Variants in GSN observed in about 807,000 individuals in gnomAD.
GSN encodes the protein actin-depolymerizing factor.
A neutral mutation model predicts 85.7 loss-of-function variants in GSN; 56 were observed. The ratio of observed to expected loss-of-function variants is 0.65; its 90% CI spans 0.53 to 0.82. GSN has a LOEUF of 0.82. Among genes scored for constraint, GSN ranks in the 40% least tolerant of loss-of-function variants. The pLI, the probability that GSN is intolerant of heterozygous loss-of-function variation, is 0.00. For synonymous variants in GSN, 373 were observed against 399.1 expected (o/e 0.93, Z 0.78); for missense variants, 857 against 979.8 (o/e 0.87, Z 1.67).
At chr9:121,300,254 A>T in intron 2 of GSN, 1 of 691,840 alleles carries the variant, frequency 1.4e-6, no homozygotes, top group Non-Finnish European at 2.7e-6. Context: ...GTCCTCCTCT[A>T]ACATCTTACC....
At chr9:121,240,357 G>A (rs1320329880) in intron 5 of GSN, among the ~76,000 whole-genome samples, 1 of 152,202 alleles carries the variant, frequency 6.6e-6, no homozygotes, top group African/African-American at 2.4e-5. Flanking sequence ...AAAGTCTGCT[G>A]TCTGCAATCA....
intron 14 of GSN, among the ~76,000 whole-genome samples, chr9:121,327,749 G>A (rs559364497): frequency 3.3e-5 from 5 of 152,278 alleles, no homozygotes; most frequent in Admixed American, 1.3e-4. Flanking sequence ...TAAGGCGGGC[G>A]GATCACCTGA....
chr9:121,320,792 C>T (rs2062338783), intron 10 of GSN, among the ~76,000 whole-genome samples: 4 of 152,156 alleles, frequency 2.6e-5, no homozygotes. Flanking sequence ...TGTGCCGGGC[C>T]CTGTGCTAGA....
chr9:121,312,209 G>A, intron 5 of GSN, 130 bp from the exon 6 acceptor site: 2 of 913,782 alleles, frequency 2.2e-6, no homozygotes, highest in Non-Finnish European at 3.6e-6. Context: ...TGCAGACTGT[G>A]CCAGCCTTCA....
At position 121,299,697 on chromosome 9, in the gene GSN, C is replaced by A. The variant is rs2059579879; in HGVS notation, c.-9-2266C>A. 3.4e-6 allele frequency: 3 copies of A among 881,668 alleles called. No individual in the cohort carries two copies. The highest frequency in any genetic ancestry group is 1.8e-5 in the African/African-American group (1 of 56,176). The allele number at this position is 881,668 out of a possible 1,614,324, so 54.6% of individuals were successfully genotyped here. A position where few individuals can be genotyped will look rare whatever the true frequency, so the allele number is the denominator to read the frequency against. ...CAGGGGCTGCCGCGCCCTGTCGGGT[C>A]GATCCGGGTGGGAACCCAGATGTCT... On this transcript the variant is annotated intron_variant, in intron 2 of 17. Coordinates refer to ENST00000432226, the MANE Select transcript of GSN (RefSeq NM_198252.3). The surrounding 1 kb of genome is among the most constrained non-coding windows in gnomAD (Gnocchi z 4.2).
At chr9:121,221,426 C>T (rs1270095240) in intron 4 of GSN, among the ~76,000 whole-genome samples, 1 of 152,222 alleles carries the variant, frequency 6.6e-6, no homozygotes, top group Non-Finnish European at 1.5e-5. Flanking sequence ...AGGTAAACTC[C>T]TCCCTGCTCT....
Position 121,299,426 on chromosome 9 carries a change from G to A in GSN, c.-9-2537G>A, listed in dbSNP as rs1422285141. ...CGCTGTTCCCCCCTCTGTAAAATGGGTTGGCCGTTGTACCCTCTCTGAAAA... is the reference window on the plus strand; with the variant it reads ...CGCTGTTCCCCCCTCTGTAAAATGGATTGGCCGTTGTACCCTCTCTGAAAA... On this transcript the variant is annotated intron_variant, in intron 2 of 17. Transcript: ENST00000432226. The surrounding 1 kb of genome is among the most constrained non-coding windows in gnomAD (Gnocchi z 4.2). The A allele has an allele frequency of 3.0e-6, 3 of 983,702 alleles. No homozygotes were observed. The highest frequency in any genetic ancestry group is 6.1e-5 in the Admixed American group (1 of 16,272). The allele number at this position is 983,702 out of a possible 1,614,324, so 60.9% of individuals were successfully genotyped here. A position where few individuals can be genotyped will look rare whatever the true frequency, so the allele number is the denominator to read the frequency against.
intron 17 of GSN, 32 bp downstream of exon 17, chr9:121,331,480 G>T: frequency 1.7e-6 from 2 of 1,166,802 alleles, no homozygotes; most frequent in South Asian, 1.3e-5. Context: ...GGCGGGGGGA[G>T]GGGTCCGTTG....
intron 5 of GSN, among the ~76,000 whole-genome samples, chr9:121,231,929 T>C (rs1041238050): frequency 4.6e-5 from 7 of 152,156 alleles, no homozygotes; most frequent in African/African-American, 1.7e-4. Context: ...TAGCCAGTCA[T>C]GGTGGCGGGT....
At chr9:121,331,001 G>A (rs150384924) in intron 16 of GSN, among the ~76,000 whole-genome samples, 34 of 152,296 alleles carry the variant, frequency 2.2e-4, no homozygotes, top group African/African-American at 7.5e-4. Flanking sequence ...CTGGGGAGAC[G>A]TGAAGGAGCA....
intron 4 of GSN, among the ~76,000 whole-genome samples, chr9:121,305,395 C>G (rs1300332485): frequency 6.6e-6 from 1 of 152,178 alleles, no homozygotes; most frequent in African/African-American, 2.4e-5. Flanking sequence ...CTTCTGGGTG[C>G]TTTACTCATT....
chr9:121,219,845 C>T (rs939036514), intron 4 of GSN, among the ~76,000 whole-genome samples: 3 of 152,044 alleles, frequency 2.0e-5, no homozygotes, highest in African/African-American at 7.2e-5. Flanking sequence ...GACTGTCTCT[C>T]TCTTAAGTAT....
chr9:121,226,133 A>C (rs1011176794), intron 4 of GSN, among the ~76,000 whole-genome samples: 4 of 152,174 alleles, frequency 2.6e-5, no homozygotes, highest in African/African-American at 9.6e-5. Context: ...CAATCAAAAA[A>C]TGTGTGCTCC....
At chr9:121,222,014 C>T (rs2054178997) in intron 4 of GSN, among the ~76,000 whole-genome samples, 1 of 152,226 alleles carries the variant, frequency 6.6e-6, no homozygotes, top group African/African-American at 2.4e-5. Context: ...GACCCCTCAA[C>T]ACTCTCTCCT....
intron 2 of GSN, among the ~76,000 whole-genome samples, chr9:121,292,343 C>T (rs1023252087): frequency 2.0e-5 from 3 of 152,212 alleles, no homozygotes. Context: ...GATGCATCCC[C>T]ATCCCTGGTA....
At chr9:121,202,530 A>G in the GSN span, among the ~76,000 whole-genome samples, 2 of 152,082 alleles carry the variant, frequency 1.3e-5, no homozygotes, top group Admixed American at 6.5e-5. Context: ...GAGAAATGTG[A>G]TATTTTTCAC....
chr9:121,281,584 C>A (rs867936105), intron 2 of GSN, 22 bp downstream of exon 2: 1 of 461,878 alleles, frequency 2.2e-6, no homozygotes, highest in East Asian at 7.6e-5. Flanking sequence ...AATACAGACA[C>A]CTGTCGTCCT....
At chr9:121,324,472 T>C (rs2062898962) in intron 11 of GSN, 82 bp from the exon 12 acceptor site, 2 of 733,966 alleles carry the variant, frequency 2.7e-6, no homozygotes, top group East Asian at 2.7e-5. Context: ...CAGGGAGATG[T>C]GTAGGTTTCT....
intron 4 of GSN, among the ~76,000 whole-genome samples, chr9:121,211,581 A>G (rs1316776794): frequency 1.3e-5 from 2 of 152,218 alleles, no homozygotes; most frequent in African/African-American, 4.8e-5. Context: ...TGGATAAAGC[A>G]CTGAACTGGG....
Sources: gnomAD v4.1 joint callset for allele counts (sites outside exome capture counted in the v4.1 genomes callset) on GRCh38, gnomAD v4.1.1 for gene constraint, Gnocchi (gnomAD v3.1) non-coding constraint, MANE v1.5 for transcripts, NCBI Gene and HGNC (gene_info 2026-07-23, HGNC 2026-07-21) for gene names.